GALNT14: variants seen among roughly 807,000 people sequenced by gnomAD.
The protein encoded by GALNT14 is polypeptide N-acetylgalactosaminyltransferase 14, also known as UDP-GalNAc:polypeptide N-acetylgalactosaminyltransferase 14.
A neutral mutation model predicts 77.5 loss-of-function variants in GALNT14; 60 were observed. The ratio of observed to expected loss-of-function variants is 0.77; its 90% CI spans 0.63 to 0.96. GALNT14 has a LOEUF of 0.96. Among genes scored for constraint, GALNT14 ranks in the 40% least tolerant of loss-of-function variants. The pLI, the probability that GALNT14 is intolerant of heterozygous loss-of-function variation, is 0.00. For missense variants in GALNT14, 710 were observed against 731.0 expected (o/e 0.97, Z 0.33); for synonymous variants, 280 against 281.7 (o/e 0.99, Z 0.06).
intron 1 of GALNT14, among the ~76,000 whole-genome samples, chr2:31,031,533 C>G (rs1236229873): frequency 2.6e-5 from 4 of 152,186 alleles, no homozygotes; most frequent in African/African-American, 9.7e-5. Context: ...AAGACTCCCT[C>G]TCATGCACCA....
chr2:31,105,921 C>T (rs1471563299), intron 1 of GALNT14, among the ~76,000 whole-genome samples: 1 of 152,088 alleles, frequency 6.6e-6, no homozygotes, highest in East Asian at 1.9e-4. Flanking sequence ...TTAGAAATCC[C>T]CTTTCAAACA....
intron 1 of GALNT14, among the ~76,000 whole-genome samples, chr2:31,130,824 G>A (rs934905861): frequency 2.6e-5 from 4 of 151,772 alleles, no homozygotes; most frequent in Non-Finnish European, 5.9e-5. Context: ...GTATATGTGT[G>A]TGTTCATGTT....
At chr2:30,972,716 T>C (rs1668431642) in intron 2 of GALNT14, among the ~76,000 whole-genome samples, 1 of 152,220 alleles carries the variant, frequency 6.6e-6, no homozygotes, top group South Asian at 2.1e-4. Context: ...GTACACTGTG[T>C]ATACTCACAT....
At chr2:30,918,258 T>C (rs1038608552) in intron 13 of GALNT14, among the ~76,000 whole-genome samples, 2 of 152,210 alleles carry the variant, frequency 1.3e-5, no homozygotes, top group Non-Finnish European at 2.9e-5. Context: ...CTGGGTCATG[T>C]TGTTGGATCC....
chr2:31,053,175 A>G (rs911517478), intron 1 of GALNT14, among the ~76,000 whole-genome samples: 1 of 152,114 alleles, frequency 6.6e-6, no homozygotes, highest in Non-Finnish European at 1.5e-5. Flanking sequence ...CTGGTGTTCC[A>G]CTGGGCACTT....
chr2:31,062,592 G>A lies in GALNT14; in HGVS notation c.130-69585C>T, dbSNP rs1674673624. Among the ~76,000 whole-genome samples the A allele has an allele frequency of 3.9e-5, 6 of 152,164 alleles. No homozygotes were observed. The South Asian group carries it at 1.2e-3, about 32-fold the overall frequency. ...GTATATACCCAGTAAAGGGATTGCT[G>A]GGTCAAATGGTATTTCTATTTCTAG... On this transcript the variant is annotated intron_variant, in intron 1 of 14. Transcript: ENST00000349752.
In GALNT14 at chr2:30,940,657, G is replaced by T. The variant is rs111602405; in HGVS notation, c.931+1544C>A. On this transcript the variant is annotated intron_variant, in intron 9 of 14. Transcript: ENST00000349752. Reference sequence around the variant, plus strand: ...ATCACTAACTATAAGAAATACTGAGGTTGTCAAGACATAAAAATGGGCTCC... The same window carrying T: ...ATCACTAACTATAAGAAATACTGAGTTTGTCAAGACATAAAAATGGGCTCC... Among the ~76,000 whole-genome samples the T allele has an allele frequency of 1.1e-3, 161 of 152,270 alleles. 1 individual carries two copies. The highest frequency in any genetic ancestry group is 3.0e-3 in the African/African-American group (126 of 41,540).
intron 1 of GALNT14, among the ~76,000 whole-genome samples, chr2:31,124,547 G>A (rs925963443): frequency 3.9e-5 from 6 of 152,144 alleles, no homozygotes; most frequent in African/African-American, 9.7e-5. Flanking sequence ...AAAGGTAATC[G>A]ATACACCCTC....
chr2:30,914,023 C>T (rs1232168080), intron 13 of GALNT14, among the ~76,000 whole-genome samples: 1 of 152,180 alleles, frequency 6.6e-6, no homozygotes, highest in Non-Finnish European at 1.5e-5. Flanking sequence ...AAAGGGGAAA[C>T]AAGTCTGTCC....
In GALNT14 at chr2:31,138,390, G is replaced by C. The variant is rs1679327521; in HGVS notation, c.-304C>G. The C allele has an allele frequency of 3.0e-6, 1 of 335,548 alleles. No individual in the cohort carries two copies. The highest frequency in any genetic ancestry group is 5.5e-6 in the Non-Finnish European group (1 of 182,910). 20.8% of individuals were successfully genotyped at this position (335,548 alleles called of 1,614,324 possible). ...GAGATGTTCCCCACGCCGCCACCGC[G>C]GCTGCCGCCGCCGCCGCCGCCGCCT... On this transcript the variant is annotated 5_prime_UTR_variant, in exon 1 of 15. Transcript: ENST00000349752.
At chr2:30,971,196 G>A (rs1238670955) in intron 2 of GALNT14, among the ~76,000 whole-genome samples, 1 of 152,162 alleles carries the variant, frequency 6.6e-6, no homozygotes, top group Non-Finnish European at 1.5e-5. Flanking sequence ...CTGTGGGAGA[G>A]ATCTAAAAGA....
At chr2:30,953,195 A>G (rs1667142294) in intron 6 of GALNT14, among the ~76,000 whole-genome samples, 1 of 152,102 alleles carries the variant, frequency 6.6e-6, no homozygotes, top group Admixed American at 6.5e-5. Context: ...AGGCAGAAAG[A>G]CATTTTTGGG....
chr2:31,042,532 G>C (rs1031876473), intron 1 of GALNT14, among the ~76,000 whole-genome samples: 1 of 152,078 alleles, frequency 6.6e-6, no homozygotes, highest in African/African-American at 2.4e-5. Flanking sequence ...TTCATCCCTG[G>C]GATGAAACTA....
intron 1 of GALNT14, among the ~76,000 whole-genome samples, chr2:31,033,683 T>C (rs983574940): frequency 6.6e-6 from 1 of 152,090 alleles, no homozygotes; most frequent in African/African-American, 2.4e-5. Context: ...CCTAACCGTT[T>C]TGACTTCTCC....
intron 1 of GALNT14, among the ~76,000 whole-genome samples, chr2:31,031,907 C>A (rs1672439754): frequency 6.6e-6 from 1 of 152,192 alleles, no homozygotes; most frequent in Admixed American, 6.5e-5. Flanking sequence ...TAGCAAGAGT[C>A]TTCCTGTTTT....
At chr2:31,049,916 G>T (rs1673728353) in intron 1 of GALNT14, among the ~76,000 whole-genome samples, 1 of 152,180 alleles carries the variant, frequency 6.6e-6, no homozygotes, top group South Asian at 2.1e-4. Context: ...TCTGTGAAAT[G>T]AAATTCTTGG....
At chr2:30,957,180 C>T (rs1667418167) in intron 4 of GALNT14, among the ~76,000 whole-genome samples, 1 of 152,126 alleles carries the variant, frequency 6.6e-6, no homozygotes, top group South Asian at 2.1e-4. Flanking sequence ...ACAGAAAAGA[C>T]TTACACAGGC....
intron 4 of GALNT14, 62 bp downstream of exon 4, chr2:30,958,335 T>G: frequency 7.0e-7 from 1 of 1,425,682 alleles, no homozygotes; most frequent in East Asian, 2.3e-5. Flanking sequence ...CACCTCTGCC[T>G]GTTACAGAGT....
intron 1 of GALNT14, chr2:31,129,225 A>G (rs781631579): frequency 3.0e-6 from 1 of 332,098 alleles, no homozygotes; most frequent in South Asian, 1.2e-4. Context: ...CTACCCTGCT[A>G]TCACCTCAGA....
Sources: allele counts gnomAD v4.1 joint callset (sites outside exome capture counted in the v4.1 genomes callset), GRCh38; gene constraint gnomAD v4.1.1; transcripts MANE v1.5; gene names NCBI Gene and HGNC (gene_info 2026-07-23, HGNC 2026-07-21).